The following LRP1B variants were observed in gnomAD, a reference collection of about 807,000 sequenced individuals.
The protein encoded by LRP1B is LDL receptor related protein 1B.
A neutral mutation model predicts 556.6 loss-of-function variants in LRP1B; 217 were observed. The ratio of observed to expected loss-of-function variants is 0.39; its 90% confidence interval spans 0.35 to 0.44. LRP1B has a LOEUF of 0.44. Ranked by LOEUF, LRP1B falls within the 20% of genes least tolerant of loss-of-function variation. The pLI is 1.00. For synonymous variants in LRP1B, 2,047 were observed against 1,865.8 expected (o/e 1.10, Z -2.50); for missense variants, 5,053 against 5,620.8 (o/e 0.90, Z 3.23).
At chr2:140,463,043 T>C (rs982897846) in intron 60 of LRP1B, among the ~76,000 whole-genome samples, 1 of 152,056 alleles carries the variant, frequency 6.6e-6, no homozygotes, top group African/African-American at 2.4e-5. Context: ...GAAAAACAAT[T>C]AGCAGTGAAA....
chr2:141,366,281 C>A (rs1173331347), intron 3 of LRP1B, among the ~76,000 whole-genome samples: 1 of 152,192 alleles, frequency 6.6e-6, no homozygotes, highest in East Asian at 1.9e-4. Flanking sequence ...CCCTTTTGGA[C>A]AACTGGTGGG....
intron 6 of LRP1B, among the ~76,000 whole-genome samples, chr2:141,204,904 C>G (rs1343561119): frequency 1.3e-5 from 2 of 151,324 alleles, no homozygotes; most frequent in Non-Finnish European, 2.9e-5. Flanking sequence ...GGCACTGCAC[C>G]CTAGCCTGGG....
intron 3 of LRP1B, among the ~76,000 whole-genome samples, chr2:141,329,663 A>AAAAAAAAC (rs1553497047): frequency 7.3e-6 from 1 of 137,408 alleles, no homozygotes; most frequent in Non-Finnish European, 1.5e-5. Context: ...AAAAAAAAAA[A>AAAAAAAAC]AACTATCTCT....
At chr2:140,251,866 A>G (rs1046207713) in intron 86 of LRP1B, among the ~76,000 whole-genome samples, 9 of 151,614 alleles carry the variant, frequency 5.9e-5, no homozygotes, top group African/African-American at 1.9e-4. Context: ...AAATCAGTAT[A>G]GTGAAGAAAA....
intron 37 of LRP1B, among the ~76,000 whole-genome samples, chr2:140,703,056 C>A (rs1686705817): frequency 6.6e-6 from 1 of 152,098 alleles, no homozygotes; most frequent in South Asian, 2.1e-4. Flanking sequence ...ACTATTACTC[C>A]TTTAGCACCA....
At chr2:140,820,844 T>C (rs1010791452) in intron 31 of LRP1B, among the ~76,000 whole-genome samples, 2 of 151,898 alleles carry the variant, frequency 1.3e-5, no homozygotes, top group African/African-American at 2.4e-5. Context: ...TCCTCTTTTA[T>C]GCCTTTTATG....
At chr2:141,743,552 T>C (rs1693798900) in intron 2 of LRP1B, among the ~76,000 whole-genome samples, 1 of 148,638 alleles carries the variant, frequency 6.7e-6, no homozygotes, top group African/African-American at 2.5e-5. Context: ...TGGTTTTGCT[T>C]TAAATGTTTG....
intron 2 of LRP1B, among the ~76,000 whole-genome samples, chr2:141,574,071 G>C (rs190898769): frequency 6.6e-6 from 1 of 152,232 alleles, no homozygotes; most frequent in Non-Finnish European, 1.5e-5. Flanking sequence ...TTGAAAAGGG[G>C]GGACTCCTCC....
chr2:141,238,984 G>A (rs1375867439), intron 5 of LRP1B, among the ~76,000 whole-genome samples: 1 of 152,002 alleles, frequency 6.6e-6, no homozygotes, highest in Non-Finnish European at 1.5e-5. Flanking sequence ...AAACTGGGGA[G>A]TCTCAGTCTC....
intron 85 of LRP1B, among the ~76,000 whole-genome samples, chr2:140,273,456 G>A (rs775417629): frequency 6.6e-6 from 1 of 151,974 alleles, no homozygotes; most frequent in Non-Finnish European, 1.5e-5. Flanking sequence ...TTGCGTAAAT[G>A]TCATTCATAA....
rs114627902 is a variant in LRP1B, at chr2:141,275,308, G to A, written c.344-20667C>T. ...TAAACAATACTGTGATATAATATTG[G>A]AAACATCTGTGTGGTAGGCAGAGTA... On this transcript the variant is annotated intron_variant, in intron 3 of 90. Transcript: ENST00000389484. 2.5e-3 allele frequency among the ~76,000 whole-genome samples: 375 copies of A among 152,262 alleles called. 4 individuals are homozygous for A. The highest frequency in any genetic ancestry group is 8.7e-3 in the African/African-American group (362 of 41,546).
At chr2:141,741,384 A>G (rs1406492350) in intron 2 of LRP1B, among the ~76,000 whole-genome samples, 1 of 145,016 alleles carries the variant, frequency 6.9e-6, no homozygotes, top group Non-Finnish European at 1.5e-5. Flanking sequence ...AAACTGTTCT[A>G]TAAAGTGGTT....
At chr2:140,519,574 C>A (rs1415686885) in intron 49 of LRP1B, among the ~76,000 whole-genome samples, 1 of 152,104 alleles carries the variant, frequency 6.6e-6, no homozygotes, top group African/African-American at 2.4e-5. Flanking sequence ...GACTAAAACA[C>A]CAAAAGCAAT....
intron 20 of LRP1B, among the ~76,000 whole-genome samples, chr2:140,930,727 T>C (rs1039127933): frequency 6.6e-6 from 1 of 152,142 alleles, no homozygotes; most frequent in South Asian, 2.1e-4. Flanking sequence ...TAAAAAGCAC[T>C]GTATATTGGA....
intron 6 of LRP1B, among the ~76,000 whole-genome samples, chr2:141,209,212 T>C (rs1046545527): frequency 3.3e-5 from 5 of 152,124 alleles, no homozygotes; most frequent in Non-Finnish European, 5.9e-5. Flanking sequence ...TCCCCACCCG[T>C]CGTGGGAGGG....
At chr2:142,079,091 TAATTA>T (rs1054958332) in intron 1 of LRP1B, among the ~76,000 whole-genome samples, 14 of 152,286 alleles carry the variant, frequency 9.2e-5, no homozygotes, top group East Asian at 3.9e-4. Context: ...AATGTCCATT[TAATTA>T]ATTTTTGCAA....
chr2:141,590,342 G>T (rs1015670348), intron 2 of LRP1B, among the ~76,000 whole-genome samples: 1 of 151,900 alleles, frequency 6.6e-6, no homozygotes, highest in African/African-American at 2.4e-5. Flanking sequence ...TAATACTTTC[G>T]CCTATTCCTT....
intron 77 of LRP1B, among the ~76,000 whole-genome samples, chr2:140,347,900 A>C (rs925046016): frequency 2.0e-5 from 3 of 152,072 alleles, no homozygotes; most frequent in Admixed American, 1.3e-4. Context: ...CATTAAACTA[A>C]GGGATGACTA....
chr2:140,479,174 G>A (rs1688112608), intron 59 of LRP1B, among the ~76,000 whole-genome samples: 1 of 151,846 alleles, frequency 6.6e-6, no homozygotes, highest in African/African-American at 2.4e-5. Context: ...AACTTCTGAT[G>A]GCTAGATATC....
Sources: allele counts gnomAD v4.1 joint callset (sites outside exome capture counted in the v4.1 genomes callset), GRCh38; gene constraint gnomAD v4.1.1; transcripts MANE v1.5; gene names NCBI Gene and HGNC (gene_info 2026-07-23, HGNC 2026-07-21).